FIGNL2: variants seen among roughly 807,000 people sequenced by gnomAD.
FIGNL2 encodes fidgetin like 2.
For missense variants in FIGNL2, 1,060 were observed against 950.2 expected (o/e 1.12, Z -1.52); for synonymous variants, 565 against 484.0 (o/e 1.17, Z -2.20).
chr12:51,822,133 C>A lies in FIGNL2; in HGVS notation c.281G>T (p.Gly94Val), dbSNP rs1321581678. Residue 94 changes from glycine to valine, a missense_variant, in exon 2 of 2, where the codon GGG (glycine) becomes GTG (valine). Transcript: ENST00000618634. Reference protein sequence around the residue: ...SDASFLNGAKGDPEPWPGPEP... With the variant: ...SDASFLNGAKVDPEPWPGPEP... ...CGGCCCTGGCCAGGGCTCGGGATCC[C>A]CTTTGGCGCCGTTGAGGAAGGAGGC... 2 of 1,611,100 alleles carry A rather than the reference C, an allele frequency of 1.2e-6. No homozygotes were observed. Among genetic ancestry groups the A allele is most frequent in the African/African-American group, 1.3e-5 (1 of 74,990 alleles).
At chr12:51,822,478 G>A in intron 1 of FIGNL2, 54 bp from the exon 2 acceptor site, 2 of 1,595,436 alleles carry the variant, frequency 1.3e-6, no homozygotes, top group Non-Finnish European at 1.7e-6. Flanking sequence ...GGACCCAGTG[G>A]GCCACTGCTA....
At position 51,841,689 on chromosome 12, in the gene FIGNL2, G is replaced by A. The variant is rs74092822; in HGVS notation, c.-12+6851C>T. On this transcript the variant is annotated intron_variant, in intron 1 of 1. Transcript: ENST00000618634. ...AAATCCCTGCCCAGGTCTGAGAGGCGCTGGCCTCAAGGCTAGGACACAGGA... is the reference window on the plus strand; with the variant it reads ...AAATCCCTGCCCAGGTCTGAGAGGCACTGGCCTCAAGGCTAGGACACAGGA... 9.3e-3 allele frequency: 1,419 copies of A among 152,362 alleles called. 23 individuals carry two copies. The highest frequency in any genetic ancestry group is 0.032 in the African/African-American group (1,334 of 41,528). The allele number at this position is 152,362 out of a possible 1,614,324, so 9.4% of individuals were successfully genotyped here. A position where few individuals can be genotyped will look rare whatever the true frequency, so the allele number is the denominator to read the frequency against.
In FIGNL2 at chr12:51,821,795, C is replaced by T; in HGVS notation, c.619G>A (p.Ala207Thr). ...GPSAPLYNYP[A>T]GGYAAQPGYG... is the part of the protein sequence containing the mutation. The stretch of plus-strand genomic sequence containing the variant: ...CCGGGCTGCGCTGCGTAGCCCCCTG[C>T]GGGATAGTTGTACAGCGGCGCTGAG... Residue 207 changes from alanine (A) to threonine (T), a missense_variant, in exon 2 of 2, where the codon GCA becomes ACA. By Grantham distance (58) the Ala-to-Thr change is moderately conservative. Transcript: ENST00000618634. The T allele has an allele frequency of 7.8e-7, 1 of 1,275,176 alleles. No homozygotes were observed. The allele number at this position is 1,275,176 out of a possible 1,614,324, so 79.0% of individuals were successfully genotyped here.
In FIGNL2 at chr12:51,820,919, C is replaced by T. The variant is rs936912697; in HGVS notation, c.1495G>A (p.Ala499Thr). ...LISELEALLP[A>T]RDDGAAAGGA... ...CCTGCCGCCGCGCCGTCGTCCCGGGCGGGGAGCAGCGCCTCTAGCTCGCTG... is the reference window on the plus strand; with the variant it reads ...CCTGCCGCCGCGCCGTCGTCCCGGGTGGGGAGCAGCGCCTCTAGCTCGCTG... The change falls in exon 2 of 2, where the codon GCC (alanine) becomes ACC (threonine). Residue 499 changes from alanine (A) to threonine (T), a missense_variant. Transcript: ENST00000618634. 69 of 1,323,876 alleles carry T rather than the reference C, an allele frequency of 5.2e-5. No individual in the cohort carries two copies. The Admixed American group carries it at 7.5e-4, about 14-fold the overall frequency. 82.0% of individuals were successfully genotyped at this position (1,323,876 alleles called of 1,614,324 possible). A position where few individuals can be genotyped will look rare whatever the true frequency, so the allele number is the denominator to read the frequency against.
intron 1 of FIGNL2, among the ~76,000 whole-genome samples, chr12:51,826,367 G>A (rs142283347): frequency 0.017 from 2,645 of 151,886 alleles, 22 homozygotes; most frequent in African/African-American, 0.024. Flanking sequence ...AGTGGCTCAC[G>A]CCTGTAATCC....
chr12:51,838,019 C>T (rs1329620071), intron 1 of FIGNL2: 1 of 152,292 alleles, frequency 6.6e-6, no homozygotes, highest in Non-Finnish European at 1.5e-5. Flanking sequence ...AAGGCTGATT[C>T]TCCTTCTCCT....
rs1207324367 is a variant in FIGNL2 at position 51,819,295 on chromosome 12, G to A, written c.*1157C>T. 1.3e-5 allele frequency: 2 copies of A among 152,190 alleles called. No homozygotes were observed. Among genetic ancestry groups the A allele is most frequent in the Non-Finnish European group, 2.9e-5 (2 of 67,990 alleles). 9.4% of individuals were successfully genotyped at this position (152,190 alleles called of 1,614,324 possible). A position where few individuals can be genotyped will look rare whatever the true frequency, so the allele number is the denominator to read the frequency against. On this transcript the variant is annotated 3_prime_UTR_variant, in exon 2 of 2. Coordinates refer to ENST00000618634, the MANE Select transcript of FIGNL2 (RefSeq NM_001384995.1). ...AGCCCTTCACAGAAAACACTCAGCG[G>A]AGGGGTTGGGTGGGGCAGGGGGTGG...
chr12:51,831,154 T>C (rs915210979), intron 1 of FIGNL2, among the ~76,000 whole-genome samples: 3 of 151,904 alleles, frequency 2.0e-5, no homozygotes, highest in African/African-American at 4.8e-5. Flanking sequence ...AAATGAAGAA[T>C]TACAGGAATA....
In FIGNL2 at chr12:51,848,616, G is replaced by A; in HGVS notation, c.-88C>T. 1.2e-6 allele frequency: 1 copy of A among 851,068 alleles called. No individual in the cohort carries two copies. Among genetic ancestry groups the A allele is most frequent in the Non-Finnish European group, 1.4e-6 (1 of 707,858 alleles). The allele number at this position is 851,068 out of a possible 1,614,324, so 52.7% of individuals were successfully genotyped here. A position where few individuals can be genotyped will look rare whatever the true frequency, so the allele number is the denominator to read the frequency against. On this transcript the variant is annotated 5_prime_UTR_variant, in exon 1 of 2. Coordinates refer to ENST00000618634, the MANE Select transcript of FIGNL2 (RefSeq NM_001384995.1). ...CCGGCCCGGGGACCGGGGCGGCGGC[G>A]CGGGCCGGGGGCGACAGGCCTGGGC... is the stretch of plus-strand genomic sequence containing the variant.
intron 1 of FIGNL2, among the ~76,000 whole-genome samples, chr12:51,828,916 GA>G (rs1939398586): frequency 6.6e-6 from 1 of 152,228 alleles, no homozygotes; most frequent in Admixed American, 6.5e-5. Context: ...GAGGTAGGAA[GA>G]AACCCCAACA....
At chr12:51,823,873 A>G (rs897328244) in intron 1 of FIGNL2, among the ~76,000 whole-genome samples, 3 of 152,202 alleles carry the variant, frequency 2.0e-5, no homozygotes, top group Non-Finnish European at 4.4e-5. Context: ...CAGGTAGACA[A>G]TGGCCTCTGT....
At chr12:51,839,786 C>A (rs1939631121) in intron 1 of FIGNL2, among the ~76,000 whole-genome samples, 1 of 152,222 alleles carries the variant, frequency 6.6e-6, no homozygotes, top group African/African-American at 2.4e-5. Flanking sequence ...ATTCCCTCCG[C>A]TGCTCAGCCA....
chr12:51,820,904 C>A lies in FIGNL2; in HGVS notation c.1510G>T (p.Ala504Ser). The change falls in exon 2 of 2, where the codon GCG becomes TCG. Residue 504 changes from alanine to serine, a missense_variant. Transcript: ENST00000618634. ...ACCTGCAGCGCGCCCCCTGCCGCCGCGCCGTCGTCCCGGGCGGGGAGCAGC... is the reference window on the plus strand; with the variant it reads ...ACCTGCAGCGCGCCCCCTGCCGCCGAGCCGTCGTCCCGGGCGGGGAGCAGC... ...EALLPARDDG[A>S]AAGGALQVPL... 1 of 1,335,462 alleles carries A rather than the reference C, an allele frequency of 7.5e-7. No homozygotes were observed. The highest frequency in any genetic ancestry group is 9.5e-7 in the Non-Finnish European group (1 of 1,051,278). The allele number at this position is 1,335,462 out of a possible 1,614,324, so 82.7% of individuals were successfully genotyped here. A position where few individuals can be genotyped will look rare whatever the true frequency, so the allele number is the denominator to read the frequency against.
chr12:51,847,492 T>A, intron 1 of FIGNL2: 1 of 985,448 alleles, frequency 1.0e-6, no homozygotes, highest in Non-Finnish European at 1.2e-6. Flanking sequence ...TAGGTATCCA[T>A]GGAGACAGGG....
At chr12:51,838,125 A>C (rs1283602636) in intron 1 of FIGNL2, 2 of 152,316 alleles carry the variant, frequency 1.3e-5, no homozygotes, top group South Asian at 2.1e-4. Flanking sequence ...CCACCACACC[A>C]CACCCCACTT....
intron 1 of FIGNL2, among the ~76,000 whole-genome samples, chr12:51,827,819 T>C (rs1484257360): frequency 6.6e-6 from 1 of 152,224 alleles, no homozygotes; most frequent in African/African-American, 2.4e-5. Flanking sequence ...GCGCCTGTTC[T>C]ACGTTTTACA....
chr12:51,840,330 C>G (rs993520498), intron 1 of FIGNL2, among the ~76,000 whole-genome samples: 2 of 152,236 alleles, frequency 1.3e-5, no homozygotes, highest in African/African-American at 4.8e-5. Flanking sequence ...GAGGCCAGAG[C>G]TCTTCACCAC....
intron 1 of FIGNL2, among the ~76,000 whole-genome samples, chr12:51,822,987 GA>G (rs1939257884): frequency 6.6e-6 from 1 of 152,242 alleles, no homozygotes; most frequent in African/African-American, 2.4e-5. Flanking sequence ...CTGAGATTCT[GA>G]GATTCCAAGG....
At chr12:51,824,302 T>C (rs1340123706) in intron 1 of FIGNL2, 3 of 152,196 alleles carry the variant, frequency 2.0e-5, no homozygotes, top group African/African-American at 7.2e-5. Context: ...AAGAGGAAGC[T>C]GAAGATAACC....
Sources: allele counts gnomAD v4.1 joint callset (sites outside exome capture counted in the v4.1 genomes callset), GRCh38; gene constraint gnomAD v4.1.1; transcripts MANE v1.5; gene names NCBI Gene and HGNC (gene_info 2026-07-23, HGNC 2026-07-21).